Variants in CHCHD3 observed in about 807,000 individuals in gnomAD.
The protein encoded by CHCHD3 is coiled-coil-helix-coiled-coil-helix domain containing 3.
Under a neutral mutation model 38.2 loss-of-function variants are expected in CHCHD3, and 20 were observed. The ratio of observed to expected loss-of-function variants is 0.52; its 90% confidence interval spans 0.37 to 0.76. The LOEUF is 0.76. CHCHD3 is among the 30% of genes least tolerant of loss of function. The pLI is 0.00. For missense variants in CHCHD3, 245 were observed against 279.2 expected (o/e 0.88, Z 0.87); for synonymous variants, 82 against 100.0 (o/e 0.82, Z 1.07).
At chr7:132,961,945 T>C (rs1252708784) in intron 4 of CHCHD3, among the ~76,000 whole-genome samples, 1 of 152,226 alleles carries the variant, frequency 6.6e-6, no homozygotes, top group Non-Finnish European at 1.5e-5. Context: ...ACTCACCATG[T>C]TGCCAATTTA....
chr7:132,942,578 C>T (rs1810796411), intron 4 of CHCHD3, among the ~76,000 whole-genome samples: 1 of 152,104 alleles, frequency 6.6e-6, no homozygotes. Context: ...CGGCTTTATA[C>T]ATTGGAAGAA....
chr7:132,838,776 A>G (rs1047208280), intron 5 of CHCHD3, among the ~76,000 whole-genome samples: 2 of 152,214 alleles, frequency 1.3e-5, no homozygotes, highest in Admixed American at 6.5e-5. Context: ...ATTATTTGGA[A>G]TCTACCCTTG....
At chr7:132,851,031 A>C (rs1240299328) in intron 5 of CHCHD3, among the ~76,000 whole-genome samples, 1 of 152,200 alleles carries the variant, frequency 6.6e-6, no homozygotes, top group Non-Finnish European at 1.5e-5. Flanking sequence ...CTTTAGGAAT[A>C]AGAGGAACCT....
chr7:132,942,842 C>T (rs1325470257), intron 4 of CHCHD3, among the ~76,000 whole-genome samples: 4 of 152,088 alleles, frequency 2.6e-5, no homozygotes, highest in Admixed American at 2.0e-4. Context: ...AATAAACTAA[C>T]GTGGTTTGTT....
chr7:132,980,979 T>C (rs1299290125), intron 3 of CHCHD3, among the ~76,000 whole-genome samples: 2 of 152,098 alleles, frequency 1.3e-5, no homozygotes, highest in African/African-American at 4.8e-5. Flanking sequence ...TTACTAGCTC[T>C]AGTTTTTTTG....
intron 3 of CHCHD3, among the ~76,000 whole-genome samples, chr7:133,022,111 A>C (rs896092823): frequency 6.6e-6 from 1 of 152,106 alleles, no homozygotes; most frequent in Non-Finnish European, 1.5e-5. Context: ...AACAAACAAA[A>C]AATTTCCATT....
At chr7:133,075,575 T>G (rs1814961534) in intron 1 of CHCHD3, among the ~76,000 whole-genome samples, 1 of 152,214 alleles carries the variant, frequency 6.6e-6, no homozygotes, top group Non-Finnish European at 1.5e-5. Flanking sequence ...AGTTCAGACC[T>G]GCACACTCAC....
intron 4 of CHCHD3, among the ~76,000 whole-genome samples, chr7:132,943,403 A>G (rs1270735238): frequency 6.6e-6 from 1 of 152,150 alleles, no homozygotes; most frequent in Non-Finnish European, 1.5e-5. Flanking sequence ...GACAGAATTC[A>G]AAGACCAGAA....
intron 4 of CHCHD3, among the ~76,000 whole-genome samples, chr7:132,932,537 C>A (rs903744063): frequency 2.6e-5 from 4 of 152,196 alleles, no homozygotes; most frequent in African/African-American, 4.8e-5. Context: ...CAATCACTGC[C>A]ATTCATGCAC....
chr7:132,989,537 C>A (rs1008011319), intron 3 of CHCHD3, among the ~76,000 whole-genome samples: 5 of 152,140 alleles, frequency 3.3e-5, no homozygotes, highest in African/African-American at 1.2e-4. Flanking sequence ...TTACTTTATA[C>A]CTAAAGTCCC....
intron 1 of CHCHD3, among the ~76,000 whole-genome samples, chr7:133,075,067 A>G (rs1814939878): frequency 6.6e-6 from 1 of 152,202 alleles, no homozygotes; most frequent in South Asian, 2.1e-4. Context: ...TGGGTATAGA[A>G]GGTGCTTATT....
At chr7:132,837,541 A>G (rs1190086445) in intron 6 of CHCHD3, among the ~76,000 whole-genome samples, 1 of 152,250 alleles carries the variant, frequency 6.6e-6, no homozygotes, top group East Asian at 1.9e-4. Flanking sequence ...ACATTACAAT[A>G]ACACTAATAT....
rs560902839 is a variant in CHCHD3, at chr7:132,875,207, C to T, written c.453+10455G>A. Among the ~76,000 whole-genome samples, 97 of 152,170 alleles carry T rather than the reference C, an allele frequency of 6.4e-4. 1 individual carries two copies. The highest frequency in any genetic ancestry group is 7.2e-5 in the African/African-American group (3 of 41,520). On this transcript the variant is annotated intron_variant, in intron 5 of 7. Transcript: ENST00000262570. ...CCTCATCCTGGAGGCTCTAAGTGTA[C>T]GTAACTTCTGAGAAGGCCTGTAGAA...
intron 6 of CHCHD3, among the ~76,000 whole-genome samples, chr7:132,834,941 T>TC (rs1427964843): frequency 2.6e-5 from 4 of 151,388 alleles, no homozygotes; most frequent in South Asian, 2.1e-4. Context: ...TTCTTTTTTT[T>TC]CCTCTCATTT....
intron 4 of CHCHD3, among the ~76,000 whole-genome samples, chr7:132,943,581 TA>T (rs1003484955): frequency 3.9e-5 from 6 of 151,922 alleles, no homozygotes; most frequent in Admixed American, 6.6e-5. Flanking sequence ...ATTTCATTAG[TA>T]AAAAAATTGA....
chr7:133,040,904 A>C (rs1357210723), intron 2 of CHCHD3, among the ~76,000 whole-genome samples: 2 of 152,224 alleles, frequency 1.3e-5, no homozygotes, highest in Non-Finnish European at 1.5e-5. Flanking sequence ...TCCCAGGGTA[A>C]GTAAGCCATA....
At chr7:132,928,266 G>A (rs976519478) in intron 4 of CHCHD3, among the ~76,000 whole-genome samples, 1 of 152,178 alleles carries the variant, frequency 6.6e-6, no homozygotes, top group Non-Finnish European at 1.5e-5. Flanking sequence ...GCCAGGAAGG[G>A]GCCAATTAAC....
chr7:132,785,814 T>C (rs1806301742), intron 7 of CHCHD3, among the ~76,000 whole-genome samples, 154 bp from the exon 8 acceptor site: 1 of 152,160 alleles, frequency 6.6e-6, no homozygotes, highest in Non-Finnish European at 1.5e-5. Context: ...AAAATATTGC[T>C]CCTTTAATCA....
chr7:132,897,242 C>T (rs1333505969), intron 4 of CHCHD3, among the ~76,000 whole-genome samples: 1 of 152,224 alleles, frequency 6.6e-6, no homozygotes, highest in Non-Finnish European at 1.5e-5. Flanking sequence ...CATAGAGACG[C>T]CAGTTAAACT....
Sources: gnomAD v4.1 joint callset for allele counts (sites outside exome capture counted in the v4.1 genomes callset) on GRCh38, gnomAD v4.1.1 for gene constraint, MANE v1.5 for transcripts, NCBI Gene and HGNC (gene_info 2026-07-23, HGNC 2026-07-21) for gene names.